PKN2: variants seen among roughly 807,000 people sequenced by gnomAD.
The protein encoded by PKN2 is protein kinase N2.
A neutral mutation model predicts 119.1 loss-of-function variants in PKN2; 38 were observed. The ratio of observed to expected loss-of-function variants is 0.32; its 90% CI spans 0.25 to 0.42. The LOEUF is 0.42. PKN2 is among the 10% of genes least tolerant of loss of function. PKN2 has a pLI of 1.00. For synonymous variants in PKN2, 390 were observed against 384.9 expected, an observed-to-expected ratio of 1.01 and a Z score of -0.15; for missense variants, 850 against 1,165.1, an observed-to-expected ratio of 0.73 and a Z score of 3.94.
intron 16 of PKN2, among the ~76,000 whole-genome samples, chr1:88,819,416 CTCA>C (rs1301075755): frequency 6.6e-6 from 1 of 152,158 alleles, no homozygotes; most frequent in African/African-American, 2.4e-5. Flanking sequence ...TGAAAAAAAG[CTCA>C]TCATCACTGG....
At chr1:88,692,952 A>T (rs145597946) in intron 1 of PKN2, among the ~76,000 whole-genome samples, 1 of 152,204 alleles carries the variant, frequency 6.6e-6, no homozygotes, top group African/African-American at 2.4e-5. Flanking sequence ...TTAATAGTTT[A>T]TGGCCTGGGG....
At chr1:88,763,345 C>T (rs1275121793) in intron 3 of PKN2, among the ~76,000 whole-genome samples, 2 of 152,152 alleles carry the variant, frequency 1.3e-5, no homozygotes, top group Admixed American at 6.5e-5. Context: ...TGGTGACTCA[C>T]GCCTGTAATC....
intron 3 of PKN2, among the ~76,000 whole-genome samples, chr1:88,763,607 CAAAAAAAAA>C (rs34763457): frequency 7.7e-5 from 8 of 103,402 alleles, no homozygotes; most frequent in Admixed American, 3.3e-4. Flanking sequence ...AACTCCATCT[CAAAAAAAAA>C]AAAAAAAAAA....
intron 2 of PKN2, among the ~76,000 whole-genome samples, chr1:88,745,211 G>A (rs1168584225): frequency 6.6e-6 from 1 of 152,210 alleles, no homozygotes; most frequent in African/African-American, 2.4e-5. Flanking sequence ...AACAAGATCA[G>A]GATGCTCACT....
intron 8 of PKN2, among the ~76,000 whole-genome samples, chr1:88,788,689 C>G (rs1041543340): frequency 4.6e-5 from 7 of 152,268 alleles, no homozygotes; most frequent in African/African-American, 1.7e-4. Context: ...AGGTAATCCA[C>G]CCACCTCGGC....
chr1:88,827,206 T>C (rs1672532218), intron 18 of PKN2, among the ~76,000 whole-genome samples: 1 of 152,162 alleles, frequency 6.6e-6, no homozygotes, highest in African/African-American at 2.4e-5. Flanking sequence ...ACTATATATT[T>C]GATTAACATA....
chr1:88,815,523 G>C (rs1671950583), intron 16 of PKN2: 1 of 265,068 alleles, frequency 3.8e-6, no homozygotes, highest in South Asian at 3.8e-5. Flanking sequence ...AAAGAGAGGA[G>C]CAAGAACCAT....
At chr1:88,774,806 T>C (rs1390070424) in intron 6 of PKN2, among the ~76,000 whole-genome samples, 1 of 151,698 alleles carries the variant, frequency 6.6e-6, no homozygotes, top group Non-Finnish European at 1.5e-5. Flanking sequence ...ACATCTGGGC[T>C]CAAGCAATCC....
intron 2 of PKN2, among the ~76,000 whole-genome samples, chr1:88,745,760 A>G (rs1406202326): frequency 6.6e-6 from 1 of 152,168 alleles, no homozygotes; most frequent in Non-Finnish European, 1.5e-5. Flanking sequence ...ATATGGAATC[A>G]GAAAAGACCC....
intron 1 of PKN2, among the ~76,000 whole-genome samples, chr1:88,686,703 C>T (rs940960234): frequency 6.6e-6 from 1 of 152,086 alleles, no homozygotes; most frequent in Non-Finnish European, 1.5e-5. Context: ...TATATCAACA[C>T]TTAAAGATAA....
At chr1:88,793,901 C>T (rs534407455) in intron 8 of PKN2, among the ~76,000 whole-genome samples, 4 of 152,234 alleles carry the variant, frequency 2.6e-5, no homozygotes, top group Non-Finnish European at 5.9e-5. Context: ...TATTTTCAGT[C>T]GTGGTTGGTT....
At chr1:88,705,843 A>ATGC (rs1557552015) in intron 1 of PKN2, among the ~76,000 whole-genome samples, 1 of 151,742 alleles carries the variant, frequency 6.6e-6, no homozygotes, top group African/African-American at 2.4e-5. Flanking sequence ...TGCCAGTCCC[A>ATGC]TGCTGTATTT....
intron 1 of PKN2, among the ~76,000 whole-genome samples, chr1:88,738,428 A>G (rs1224083114): frequency 1.3e-5 from 2 of 152,252 alleles, no homozygotes; most frequent in Non-Finnish European, 2.9e-5. Context: ...TACTTGAAAG[A>G]GATAACTGCA....
At chr1:88,820,704 TGAGGTGA>T (rs1467028165) in intron 16 of PKN2, among the ~76,000 whole-genome samples, 1 of 152,134 alleles carries the variant, frequency 6.6e-6, no homozygotes. Flanking sequence ...GGCAGTGGAA[TGAGGTGA>T]GATGGAGATA....
At chr1:88,733,272 GT>G (rs1029204661) in intron 1 of PKN2, among the ~76,000 whole-genome samples, 2 of 152,100 alleles carry the variant, frequency 1.3e-5, no homozygotes, top group African/African-American at 4.8e-5. Flanking sequence ...CCTTCATGCT[GT>G]TTTCCATAAT....
At chr1:88,727,216 C>T in intron 1 of PKN2, among the ~76,000 whole-genome samples, 1 of 144,370 alleles carries the variant, frequency 6.9e-6, no homozygotes, top group African/African-American at 2.6e-5. Context: ...TCTGCTTTTT[C>T]CTGGTATTAA....
Position 88,684,452 on chromosome 1 carries a change from C to T in PKN2, c.-129C>T, listed in dbSNP as rs1287403894. On this transcript the variant is annotated 5_prime_UTR_variant, in exon 1 of 22. Transcript: ENST00000370521. ...GCGCCTCCAGCAGGGGCTGCGCCTC[C>T]ATGAATCCCTAGTTGTTTTTTTTTT... 6.3e-6 allele frequency: 5 copies of T among 799,964 alleles called. No homozygotes were observed. Among genetic ancestry groups the T allele is most frequent in the Non-Finnish European group, 9.5e-6 (5 of 527,880 alleles). 49.6% of individuals were successfully genotyped at this position (799,964 alleles called of 1,614,324 possible).
intron 16 of PKN2, among the ~76,000 whole-genome samples, chr1:88,820,367 C>G (rs1485736066): frequency 6.7e-6 from 1 of 150,034 alleles, no homozygotes; most frequent in Non-Finnish European, 1.5e-5. Context: ...AACCCCGTCT[C>G]CACTAAAAAT....
chr1:88,813,086 C>G (rs1671844428), intron 15 of PKN2, among the ~76,000 whole-genome samples: 1 of 152,170 alleles, frequency 6.6e-6, no homozygotes, highest in East Asian at 1.9e-4. Flanking sequence ...TTTTATGCAG[C>G]ATATCTGTAC....
Sources: gnomAD v4.1 joint callset for allele counts (sites outside exome capture counted in the v4.1 genomes callset) on GRCh38, gnomAD v4.1.1 for gene constraint, MANE v1.5 for transcripts, NCBI Gene and HGNC (gene_info 2026-07-23, HGNC 2026-07-21) for gene names.